SEMA3A: variants seen among roughly 807,000 people sequenced by gnomAD.
SEMA3A encodes semaphorin-3A.
SEMA3A carries 29 observed loss-of-function variants against 97.9 expected under a neutral mutation model. The ratio of observed to expected loss-of-function variants is 0.30; its 90% CI spans 0.22 to 0.40. The LOEUF is 0.40. SEMA3A is among the 10% of genes least tolerant of loss of function. The probability of loss-of-function intolerance (pLI) is 1.00; values close to 1 mark genes in which losing one functional copy is unlikely to be tolerated. For synonymous variants in SEMA3A, 321 were observed against 323.7 expected (o/e 0.99, Z 0.09); for missense variants, 763 against 951.3 (o/e 0.80, Z 2.60).
intron 1 of SEMA3A, among the ~76,000 whole-genome samples, chr7:84,448,787 A>AG (rs367795992): frequency 7.9e-5 from 12 of 151,900 alleles, no homozygotes; most frequent in Admixed American, 6.6e-5. Context: ...CCATTTCCAT[A>AG]GAAAAAAAAA....
chr7:84,100,264 G>GA (rs1160502918), intron 4 of SEMA3A, among the ~76,000 whole-genome samples: 1 of 152,084 alleles, frequency 6.6e-6, no homozygotes, highest in African/African-American at 2.4e-5. Flanking sequence ...AAATCCAGGA[G>GA]AAAAAAATCA....
At chr7:84,305,599 T>A (rs1265767073) in intron 3 of SEMA3A, among the ~76,000 whole-genome samples, 1 of 151,976 alleles carries the variant, frequency 6.6e-6, no homozygotes, top group African/African-American at 2.4e-5. Flanking sequence ...ACTGGCTAGA[T>A]CCCAAATAAA....
chr7:84,403,889 T>C (rs548882639), intron 1 of SEMA3A, among the ~76,000 whole-genome samples: 10 of 151,968 alleles, frequency 6.6e-5, no homozygotes, highest in Admixed American at 3.9e-4. Flanking sequence ...CAAAAACCCA[T>C]CTGTAGGTCA....
At chr7:84,160,533 A>C (rs1018134019) in intron 1 of SEMA3A, among the ~76,000 whole-genome samples, 3 of 149,992 alleles carry the variant, frequency 2.0e-5, no homozygotes. Flanking sequence ...TGGGTGACAG[A>C]GTGAGACTCC....
Position 84,272,388 on chromosome 7 carries a change from C to T in SEMA3A, c.-83+34819G>A, listed in dbSNP as rs945615947. ...CCCAATAATTATTTATTTATTGTTA[C>T]ATAATGGACTATTCATATCCATTCT... On this transcript the variant is annotated intron_variant, in intron 3 of 3. Coordinates refer to the SEMA3A transcript ENST00000424555. Among the ~76,000 whole-genome samples the T allele has an allele frequency of 4.6e-5, 7 of 151,920 alleles. No homozygotes were observed. The South Asian group carries it at 1.2e-3, about 27-fold the overall frequency.
chr7:84,121,003 A>C (rs1275737901), intron 3 of SEMA3A, among the ~76,000 whole-genome samples: 1 of 151,996 alleles, frequency 6.6e-6, no homozygotes, highest in Non-Finnish European at 1.5e-5. Flanking sequence ...GGATGAAAAA[A>C]CCTAAATATT....
chr7:84,110,587 T>C lies in SEMA3A; in HGVS notation c.336A>G (p.Lys112=), dbSNP rs150288942. The C allele has an allele frequency of 6.8e-4, 1,099 of 1,613,564 alleles. 15 individuals carry two copies. The East Asian group carries it at 0.02, about 29-fold the overall frequency. Residue 112 remains lysine (K), a splice_region_variant and synonymous_variant, in exon 4 of 17, where the codon AAA becomes AAG. Transcript: ENST00000265362. ...GTACCTTGATGAAATTAGCACATTCTTTCTGTAAGACAAAAGGAAAACCAA... is the reference window on the plus strand; with the variant it reads ...GTACCTTGATGAAATTAGCACATTCCTTCTGTAAGACAAAAGGAAAACCAA... ...ECKWAGKDIL[K]ECANFIKVLK...
chr7:84,127,411 T>C (rs1227523124), intron 3 of SEMA3A, among the ~76,000 whole-genome samples: 3 of 152,114 alleles, frequency 2.0e-5, no homozygotes, highest in African/African-American at 4.8e-5. Flanking sequence ...CTTTGCTTCT[T>C]AGCTATAAAT....
intron 3 of SEMA3A, among the ~76,000 whole-genome samples, chr7:84,278,529 G>A (rs900416664): frequency 7.2e-5 from 11 of 152,030 alleles, no homozygotes; most frequent in Non-Finnish European, 1.6e-4. Flanking sequence ...TCTGATGTGG[G>A]TAATTTATAA....
chr7:83,981,590 A>T (rs919666991), intron 13 of SEMA3A, 112 bp from the exon 14 acceptor site: 3 of 940,510 alleles, frequency 3.2e-6, no homozygotes, highest in Admixed American at 3.6e-5. Context: ...TTAAGGGTTT[A>T]AAAAAATCAT....
intron 3 of SEMA3A, among the ~76,000 whole-genome samples, chr7:84,267,383 C>A (rs961982872): frequency 6.6e-6 from 1 of 152,184 alleles, no homozygotes; most frequent in East Asian, 1.9e-4. Flanking sequence ...AATGGAGGAA[C>A]TGTTAAAACA....
intron 1 of SEMA3A, among the ~76,000 whole-genome samples, chr7:84,192,424 C>T (rs1044459311): frequency 4.0e-5 from 6 of 151,852 alleles, no homozygotes; most frequent in Admixed American, 1.3e-4. Context: ...TTATTAAGCT[C>T]TAGGTGTATC....
chr7:84,258,096 C>T (rs1351900421), intron 3 of SEMA3A, among the ~76,000 whole-genome samples: 1 of 152,154 alleles, frequency 6.6e-6, no homozygotes, highest in Non-Finnish European at 1.5e-5. Flanking sequence ...TCTCCCCTTT[C>T]TTCTAGCAAC....
intron 5 of SEMA3A, among the ~76,000 whole-genome samples, chr7:84,046,669 A>C (rs796700162): frequency 2.6e-5 from 4 of 152,154 alleles, no homozygotes; most frequent in African/African-American, 9.6e-5. Flanking sequence ...TTAGTGTATG[A>C]CTACTTATCT....
chr7:84,039,063 T>C (rs1792040653), intron 6 of SEMA3A, among the ~76,000 whole-genome samples: 1 of 152,172 alleles, frequency 6.6e-6, no homozygotes, highest in African/African-American at 2.4e-5. Context: ...AGTTGTTTGT[T>C]GTATCAATTT....
intron 2 of SEMA3A, among the ~76,000 whole-genome samples, chr7:84,365,215 G>A (rs541246691): frequency 6.6e-6 from 1 of 151,518 alleles, no homozygotes; most frequent in Non-Finnish European, 1.5e-5. Flanking sequence ...AAAAGTCTAC[G>A]TGCCAGAGAG....
chr7:84,369,341 G>A (rs921875124), intron 2 of SEMA3A, among the ~76,000 whole-genome samples: 1 of 150,926 alleles, frequency 6.6e-6, no homozygotes, highest in African/African-American at 2.4e-5. Context: ...AGTTAATAAT[G>A]AGCTGTTGAA....
At chr7:84,153,857 A>G (rs1182849863) in intron 1 of SEMA3A, among the ~76,000 whole-genome samples, 1 of 152,088 alleles carries the variant, frequency 6.6e-6, no homozygotes, top group Non-Finnish European at 1.5e-5. Flanking sequence ...ACATAACACT[A>G]TTTGCATATT....
In SEMA3A at chr7:83,956,360, G is replaced by T. The variant is rs1028585886; in HGVS notation, c.*5011C>A. 1 of 152,198 alleles carries T rather than the reference G, an allele frequency of 6.6e-6. No homozygotes were observed. The highest frequency in any genetic ancestry group is 2.4e-5 in the African/African-American group (1 of 41,444). The allele number at this position is 152,198 out of a possible 1,614,324, so 9.4% of individuals were successfully genotyped here. On this transcript the variant is annotated 3_prime_UTR_variant, in exon 17 of 17. Transcript: ENST00000265362. Reference sequence around the variant, plus strand: ...TTTCGTTTGAACTGAGAGCATAGGGGAGTGTCTGATGAAGTTAGCTTCCTC... The same window carrying T: ...TTTCGTTTGAACTGAGAGCATAGGGTAGTGTCTGATGAAGTTAGCTTCCTC...
Sources: gnomAD v4.1 joint callset for allele counts (sites outside exome capture counted in the v4.1 genomes callset) on GRCh38, gnomAD v4.1.1 for gene constraint, MANE v1.5 for transcripts, NCBI Gene and HGNC (gene_info 2026-07-23, HGNC 2026-07-21) for gene names.